CMSS1: variants seen among roughly 807,000 people sequenced by gnomAD.
CMSS1 encodes protein CMSS1.
CMSS1 carries 33 observed loss-of-function variants against 43.5 expected under a neutral mutation model. That is an observed-to-expected ratio of 0.76 (90% CI 0.57 to 1.01). The LOEUF is 1.01. Among genes scored for constraint, CMSS1 ranks in the 50% least tolerant of loss-of-function variants. CMSS1 has a pLI of 0.00. For synonymous variants in CMSS1, 115 were observed against 117.2 expected (o/e 0.98, Z 0.12); for missense variants, 313 against 326.4 (o/e 0.96, Z 0.32).
At chr3:100,134,074 A>T (rs1190756158) in intron 1 of CMSS1, among the ~76,000 whole-genome samples, 1 of 152,178 alleles carries the variant, frequency 6.6e-6, no homozygotes, top group Non-Finnish European at 1.5e-5. Flanking sequence ...ACACTCTATA[A>T]CAAGGGTGAG....
intron 1 of CMSS1, among the ~76,000 whole-genome samples, chr3:99,838,353 A>G (rs895932577): frequency 4.6e-5 from 7 of 152,174 alleles, no homozygotes; most frequent in African/African-American, 9.7e-5. Context: ...AGGAGAGGCA[A>G]ATCACTCTTG....
At chr3:99,910,593 G>A (rs1230576011) in intron 1 of CMSS1, among the ~76,000 whole-genome samples, 1 of 136,298 alleles carries the variant, frequency 7.3e-6, no homozygotes, top group Non-Finnish European at 1.7e-5. Flanking sequence ...AACCTGGGGA[G>A]TATTATGTTT....
At chr3:99,989,233 C>T (rs949803908) in intron 1 of CMSS1, among the ~76,000 whole-genome samples, 17 of 152,152 alleles carry the variant, frequency 1.1e-4, no homozygotes, top group African/African-American at 3.1e-4. Context: ...ACAAAGCCAA[C>T]CTCTGTTCTG....
At chr3:99,969,078 G>A (rs1464118491) in intron 1 of CMSS1, among the ~76,000 whole-genome samples, 1 of 152,132 alleles carries the variant, frequency 6.6e-6, no homozygotes, top group African/African-American at 2.4e-5. Flanking sequence ...ATAATTAATG[G>A]AGCTCGGTCC....
chr3:99,922,719 A>G (rs770421066), intron 1 of CMSS1, among the ~76,000 whole-genome samples: 2 of 152,194 alleles, frequency 1.3e-5, no homozygotes, highest in Non-Finnish European at 2.9e-5. Flanking sequence ...GGATGCTTAT[A>G]CTGTCTACAG....
intron 1 of CMSS1, among the ~76,000 whole-genome samples, chr3:99,897,919 C>A (rs183482927): frequency 5.3e-5 from 8 of 152,314 alleles, no homozygotes; most frequent in African/African-American, 1.9e-4. Context: ...ATGAAGTTTT[C>A]CATGTTTCTC....
chr3:99,969,913 G>C (rs1708764528), intron 1 of CMSS1, among the ~76,000 whole-genome samples: 1 of 152,186 alleles, frequency 6.6e-6, no homozygotes, highest in South Asian at 2.1e-4. Flanking sequence ...GATATTAGCA[G>C]GGGGACATCA....
intron 1 of CMSS1, among the ~76,000 whole-genome samples, chr3:99,939,404 T>C (rs952660234): frequency 2.0e-5 from 3 of 152,192 alleles, no homozygotes; most frequent in African/African-American, 7.2e-5. Flanking sequence ...ACTCTATTCT[T>C]CTTTATTCCA....
chr3:100,091,192 G>A (rs939155070), intron 1 of CMSS1, among the ~76,000 whole-genome samples: 6 of 151,840 alleles, frequency 4.0e-5, no homozygotes, highest in Non-Finnish European at 8.8e-5. Flanking sequence ...GGCTGAGGCA[G>A]GAGAATGGCG....
intron 1 of CMSS1, among the ~76,000 whole-genome samples, chr3:99,917,026 CTT>C (rs908234183): frequency 1.1e-4 from 17 of 152,282 alleles, no homozygotes; most frequent in African/African-American, 3.8e-4. Flanking sequence ...TCTTATTCCT[CTT>C]TATATTTTTT....
chr3:100,160,223 T>C (rs2067011507), intron 2 of CMSS1, among the ~76,000 whole-genome samples: 1 of 152,214 alleles, frequency 6.6e-6, no homozygotes, highest in Non-Finnish European at 1.5e-5. Flanking sequence ...TCTTAAGTCA[T>C]CTGCGCTTTC....
chr3:100,065,881 G>A (rs2065655085), intron 1 of CMSS1, among the ~76,000 whole-genome samples: 1 of 152,198 alleles, frequency 6.6e-6, no homozygotes, highest in African/African-American at 2.4e-5. Context: ...AGGTAGTGGT[G>A]CTCAAAATAT....
chr3:100,042,097 T>A (rs1343697676), intron 1 of CMSS1, among the ~76,000 whole-genome samples: 3 of 152,156 alleles, frequency 2.0e-5, no homozygotes, highest in Non-Finnish European at 4.4e-5. Flanking sequence ...AACATTGTCA[T>A]ATTAATAGAA....
chr3:100,019,231 A>G (rs895367930), intron 1 of CMSS1, among the ~76,000 whole-genome samples: 48 of 152,312 alleles, frequency 3.2e-4, no homozygotes, highest in African/African-American at 1.2e-3. Flanking sequence ...GTATGGTGGC[A>G]CATGTCTAGT....
intron 7 of CMSS1, 128 bp from the exon 8 acceptor site, chr3:100,172,188 G>C (rs1171720591): frequency 2.5e-6 from 2 of 791,500 alleles, no homozygotes; most frequent in African/African-American, 1.7e-5. Flanking sequence ...CCTGGAAGTC[G>C]ACCCTACACA....
intron 1 of CMSS1, among the ~76,000 whole-genome samples, chr3:99,864,212 A>G: frequency 6.6e-6 from 1 of 151,846 alleles, no homozygotes; most frequent in South Asian, 2.1e-4. Context: ...GAGCACATGC[A>G]TTTATTTTCT....
chr3:100,126,866 C>T (rs1215750300), intron 1 of CMSS1, among the ~76,000 whole-genome samples: 2 of 151,992 alleles, frequency 1.3e-5, no homozygotes, highest in African/African-American at 2.4e-5. Flanking sequence ...GGCGTGGTGG[C>T]GGGCGCCTAT....
chr3:99,872,287 G>A (rs1576535321), intron 1 of CMSS1, among the ~76,000 whole-genome samples: 1 of 149,628 alleles, frequency 6.7e-6, no homozygotes, highest in South Asian at 2.1e-4. Flanking sequence ...GTGTGTGTGT[G>A]TGTGTGTGTG....
intron 1 of CMSS1, among the ~76,000 whole-genome samples, chr3:100,058,343 A>G (rs1353921003): frequency 6.6e-6 from 1 of 152,242 alleles, no homozygotes; most frequent in African/African-American, 2.4e-5. Flanking sequence ...GTACAATCAG[A>G]TGCTTATAAA....
Sources: allele counts gnomAD v4.1 joint callset (sites outside exome capture counted in the v4.1 genomes callset), GRCh38; gene constraint gnomAD v4.1.1; transcripts MANE v1.5; gene names NCBI Gene and HGNC (gene_info 2026-07-23, HGNC 2026-07-21).